KCNMA1: variants seen among roughly 807,000 people sequenced by gnomAD.
The protein encoded by KCNMA1 is potassium calcium-activated channel subfamily M alpha 1.
In KCNMA1, 29 loss-of-function variants were observed where a neutral mutation model predicts 140.0. The observed-to-expected ratio is 0.21, with a 90% confidence interval of 0.15 to 0.28. The LOEUF (loss-of-function observed/expected upper bound fraction) is 0.28. Among genes scored for constraint, KCNMA1 ranks in the 10% least tolerant of loss-of-function variants. The pLI, the probability that KCNMA1 is intolerant of heterozygous loss-of-function variation, is 1.00. For missense variants in KCNMA1, 880 were observed against 1,602.2 expected, an observed-to-expected ratio of 0.55 and a Z score of 7.70; for synonymous variants, 612 against 611.9, an observed-to-expected ratio of 1.00 and a Z score of 0.00.
intron 5 of KCNMA1, among the ~76,000 whole-genome samples, chr10:77,124,559 C>A (rs536699927): frequency 6.6e-6 from 1 of 152,144 alleles, no homozygotes; most frequent in Non-Finnish European, 1.5e-5. Context: ...AACATGGAGA[C>A]CAGAGGGAAA....
At position 76,887,278 on chromosome 10, in the gene KCNMA1, T is replaced by C. The variant is rs1249393897; in HGVS notation, c.3699A>G (p.Glu1233=). Residue 1233 remains glutamate (E), a synonymous_variant, in exon 28 of 28, where the codon GAA becomes GAG. Coordinates refer to ENST00000286628, the MANE Select transcript of KCNMA1 (RefSeq NM_001161352.2). The part of the protein sequence containing the change: ...ESRDKQKYVQ[E]ERL ...GTGGATACACATATCAAAGCCGCTC[T>C]TCCTGCACGTACTTCTGTTTGTCCC... The C allele has an allele frequency of 6.2e-7, 1 of 1,614,170 alleles. No individual in the cohort carries two copies. The highest frequency in any genetic ancestry group is 2.2e-5 in the East Asian group (1 of 44,870).
chr10:77,599,806 G>A (rs938313533), intron 1 of KCNMA1, among the ~76,000 whole-genome samples: 4 of 152,070 alleles, frequency 2.6e-5, no homozygotes, highest in African/African-American at 9.7e-5. Flanking sequence ...ACAAGGCCTG[G>A]GACCCGGAAG....
chr10:77,189,181 C>T (rs1393891834), intron 3 of KCNMA1, among the ~76,000 whole-genome samples: 1 of 152,032 alleles, frequency 6.6e-6, no homozygotes, highest in Admixed American at 6.6e-5. Context: ...TATCTGGGAA[C>T]ACCGCTTTGA....
At chr10:77,443,642 T>C (rs751533086) in intron 1 of KCNMA1, among the ~76,000 whole-genome samples, 6 of 152,202 alleles carry the variant, frequency 3.9e-5, no homozygotes, top group Non-Finnish European at 7.3e-5. Flanking sequence ...CTAGGTCAAC[T>C]GTGCTGTTTC....
chr10:77,508,371 G>A (rs1286089131), intron 1 of KCNMA1, among the ~76,000 whole-genome samples: 1 of 142,344 alleles, frequency 7.0e-6, no homozygotes, highest in Admixed American at 7.2e-5. Flanking sequence ...TTTTTGTAGA[G>A]ATGGGGTTTC....
At chr10:76,943,408 C>T (rs2063106223) in intron 23 of KCNMA1, among the ~76,000 whole-genome samples, 1 of 152,206 alleles carries the variant, frequency 6.6e-6, no homozygotes, top group Non-Finnish European at 1.5e-5. Context: ...AGCCATTTCA[C>T]ATGCACCACC....
At chr10:77,075,141 C>T (rs543299491) in intron 13 of KCNMA1, among the ~76,000 whole-genome samples, 1 of 152,314 alleles carries the variant, frequency 6.6e-6, no homozygotes, top group Non-Finnish European at 1.5e-5. Context: ...TAAATAGTCT[C>T]ATGGAGGGGC....
chr10:77,300,681 G>T (rs1268777129), intron 2 of KCNMA1, among the ~76,000 whole-genome samples: 1 of 152,146 alleles, frequency 6.6e-6, no homozygotes, highest in Non-Finnish European at 1.5e-5. Flanking sequence ...ACCATTTCAT[G>T]CATAGTAATG....
At chr10:77,387,906 C>T (rs2095672299) in intron 2 of KCNMA1, among the ~76,000 whole-genome samples, 1 of 152,212 alleles carries the variant, frequency 6.6e-6, no homozygotes, top group South Asian at 2.1e-4. Flanking sequence ...ACGTGAGCCA[C>T]TGCACCCAGC....
intron 10 of KCNMA1, among the ~76,000 whole-genome samples, chr10:77,089,104 C>T (rs934333539): frequency 2.0e-5 from 3 of 152,222 alleles, no homozygotes; most frequent in Middle Eastern, 3.2e-3. Context: ...CTGTGGGTAC[C>T]TGCTCCTGTG....
At chr10:77,495,952 C>G (rs1409217141) in intron 1 of KCNMA1, among the ~76,000 whole-genome samples, 1 of 152,188 alleles carries the variant, frequency 6.6e-6, no homozygotes, top group Non-Finnish European at 1.5e-5. Flanking sequence ...TGTGGAAGCT[C>G]ACTGGCACCA....
At chr10:77,212,562 TA>T (rs2154176049) in intron 3 of KCNMA1, among the ~76,000 whole-genome samples, 1 of 152,306 alleles carries the variant, frequency 6.6e-6, no homozygotes, top group Admixed American at 6.5e-5. Flanking sequence ...GTATCTAAAA[TA>T]AAAACTGAAA....
intron 2 of KCNMA1, chr10:77,350,210 T>A (rs2092708093): frequency 6.6e-6 from 1 of 152,212 alleles, no homozygotes; most frequent in Admixed American, 6.5e-5. Context: ...ACATGCCCAT[T>A]TCATAGGCAA....
chr10:77,433,815 T>A (rs554619003), intron 1 of KCNMA1: 1 of 152,200 alleles, frequency 6.6e-6, no homozygotes, highest in Non-Finnish European at 1.5e-5. Context: ...TATGTCAGCC[T>A]CAACACCAGC....
chr10:77,118,969 TAAC>T (rs1182482623), intron 6 of KCNMA1, among the ~76,000 whole-genome samples: 4 of 152,232 alleles, frequency 2.6e-5, no homozygotes, highest in African/African-American at 4.8e-5. Flanking sequence ...AAGCACCCTC[TAAC>T]AACAAGAGTT....
At chr10:77,287,455 C>T (rs903890659) in intron 2 of KCNMA1, among the ~76,000 whole-genome samples, 4 of 152,204 alleles carry the variant, frequency 2.6e-5, no homozygotes, top group Non-Finnish European at 5.9e-5. Context: ...AAGAGACTGT[C>T]TAGTCCAGAA....
intron 29 of KCNMA1, chr10:76,877,918 C>G (rs1227214387): frequency 6.2e-7 from 1 of 1,600,454 alleles, no homozygotes; most frequent in Non-Finnish European, 8.5e-7. Context: ...GGATAGAGAA[C>G]AAGAAGGAGA....
chr10:77,150,363 T>A lies in KCNMA1; in HGVS notation c.809-29315A>T, dbSNP rs550640675. ...CAACATGAGGGGCCAACAGAAGAAATAAACAGGCATAAATTTCAAACCCAG... is the reference window on the plus strand; with the variant it reads ...CAACATGAGGGGCCAACAGAAGAAAAAAACAGGCATAAATTTCAAACCCAG... On this transcript the variant is annotated intron_variant, in intron 5 of 27. Coordinates refer to ENST00000286628, the MANE Select transcript of KCNMA1 (RefSeq NM_001161352.2). Among the ~76,000 whole-genome samples the A allele has an allele frequency of 2.0e-5, 3 of 152,134 alleles. No homozygotes were observed. The South Asian group carries it at 6.2e-4, about 32-fold the overall frequency.
intron 15 of KCNMA1, among the ~76,000 whole-genome samples, chr10:77,029,112 A>G (rs770107094): frequency 1.3e-5 from 2 of 152,246 alleles, no homozygotes; most frequent in Non-Finnish European, 2.9e-5. Flanking sequence ...TGAATATGTA[A>G]ATGGCACAAT....
Sources: allele counts gnomAD v4.1 joint callset (sites outside exome capture counted in the v4.1 genomes callset), GRCh38; gene constraint gnomAD v4.1.1; transcripts MANE v1.5; gene names NCBI Gene and HGNC (gene_info 2026-07-23, HGNC 2026-07-21).